Variants in ANK2 observed in about 807,000 individuals in gnomAD.
ANK2 encodes ankyrin 2.
A neutral mutation model predicts 360.5 loss-of-function variants in ANK2; 83 were observed. The observed-to-expected ratio is 0.23, with a 90% CI of 0.19 to 0.28. The LOEUF (loss-of-function observed/expected upper bound fraction) is 0.28, where lower values mean the gene tolerates loss of function less well. Among genes scored for constraint, ANK2 ranks in the 10% least tolerant of loss-of-function variants. The probability of loss-of-function intolerance (pLI) is 1.00; values close to 1 mark genes in which losing one functional copy is unlikely to be tolerated. For synonymous variants in ANK2, 1,740 were observed against 1,759.5 expected, an observed-to-expected ratio of 0.99 and a Z score of 0.28; for missense variants, 4,201 against 4,795.7, an observed-to-expected ratio of 0.88 and a Z score of 3.66.
chr4:113,087,928 A>C (rs1030933821), intron 1 of ANK2, among the ~76,000 whole-genome samples: 1 of 152,160 alleles, frequency 6.6e-6, no homozygotes, highest in African/African-American at 2.4e-5. Context: ...ATTATAAATA[A>C]ATTCTAGATT....
intron 29 of ANK2, among the ~76,000 whole-genome samples, chr4:113,333,649 T>C (rs1334202624): frequency 2.0e-5 from 3 of 152,226 alleles, no homozygotes; most frequent in Non-Finnish European, 2.9e-5. Context: ...GTTAAGCTAC[T>C]GTGTTGGAAA....
At chr4:113,365,800 G>T (rs1188191361) in intron 41 of ANK2, among the ~76,000 whole-genome samples, 3 of 151,666 alleles carry the variant, frequency 2.0e-5, no homozygotes, top group Non-Finnish European at 4.4e-5. Flanking sequence ...AAAATAATAA[G>T]AATAATCAGA....
chr4:112,765,737 T>TCC, the ANK2 span, among the ~76,000 whole-genome samples: 1 of 145,234 alleles, frequency 6.9e-6, no homozygotes, highest in Non-Finnish European at 1.5e-5. Context: ...AATTCCTAAC[T>TCC]CTGTGTTGTC....
chr4:113,214,281 T>A, intron 4 of ANK2: 1 of 1,079,684 alleles, frequency 9.3e-7, no homozygotes, highest in Non-Finnish European at 1.4e-6. Context: ...AATGACGAAT[T>A]TCTTAATGGC....
At chr4:112,889,807 G>C (rs905787761) in intron 1 of ANK2, among the ~76,000 whole-genome samples, 1 of 152,124 alleles carries the variant, frequency 6.6e-6, no homozygotes, top group African/African-American at 2.4e-5. Context: ...TATGTAATTG[G>C]CATGAATTAT....
At chr4:113,368,042 A>C (rs2096598832) in intron 42 of ANK2, among the ~76,000 whole-genome samples, 191 bp downstream of exon 42, 1 of 152,234 alleles carries the variant, frequency 6.6e-6, no homozygotes, top group Admixed American at 6.5e-5. Context: ...TGTTTGGGGC[A>C]CAGACCTACA....
At chr4:113,363,616 T>C in intron 40 of ANK2, 147 bp downstream of exon 40, 1 of 868,684 alleles carries the variant, frequency 1.2e-6, no homozygotes, top group Non-Finnish European at 1.9e-6. Flanking sequence ...TTTTGTTCAG[T>C]GTCATTTCCT....
the ANK2 span, chr4:112,797,147 T>C: frequency 5.3e-6 from 1 of 187,662 alleles, no homozygotes; most frequent in Non-Finnish European, 1.2e-5. Flanking sequence ...GCAATTTTTT[T>C]CTCCTACTTT....
chr4:112,944,466 T>G (rs568424684), intron 2 of ANK2, among the ~76,000 whole-genome samples: 10 of 152,334 alleles, frequency 6.6e-5, no homozygotes, highest in Admixed American at 6.5e-4. Context: ...AAGTTACTAT[T>G]AATAATGAAT....
At chr4:112,846,585 G>C (rs2063359430) in intron 1 of ANK2, among the ~76,000 whole-genome samples, 1 of 151,670 alleles carries the variant, frequency 6.6e-6, no homozygotes, top group Non-Finnish European at 1.5e-5. Flanking sequence ...CCTCTCTCTT[G>C]ATCTCTTCCT....
rs565612263 is a variant in ANK2 at position 113,236,673 on chromosome 4, T to C, written c.484-314T>C. On this transcript the variant is annotated intron_variant, in intron 5 of 45. Coordinates refer to ENST00000357077, the MANE Select transcript of ANK2 (RefSeq NM_001148.6). The stretch of plus-strand genomic sequence containing the variant: ...CTTTTCTGCTTTACCTACAGAGGCA[T>C]TATTTAGGATTGGTTCTCACTTTTA... Among the ~76,000 whole-genome samples the C allele has an allele frequency of 9.2e-5, 14 of 152,344 alleles. No homozygotes were observed. The South Asian group carries it at 1.2e-3, about 14-fold the overall frequency.
chr4:113,178,294 G>T (rs112527853), intron 2 of ANK2, among the ~76,000 whole-genome samples: 161 of 152,148 alleles, frequency 1.1e-3, no homozygotes, highest in African/African-American at 3.8e-3. Flanking sequence ...CAGGCCAGGC[G>T]CAGTGGCTCA....
chr4:113,186,385 C>T (rs1426102495), intron 2 of ANK2, among the ~76,000 whole-genome samples: 1 of 152,108 alleles, frequency 6.6e-6, no homozygotes, highest in East Asian at 1.9e-4. Context: ...CACACAAAAA[C>T]CCCATTTGAA....
chr4:113,345,785 A>C, intron 34 of ANK2, 115 bp from the exon 35 acceptor site: 1 of 1,366,532 alleles, frequency 7.3e-7, no homozygotes, highest in Non-Finnish European at 1.0e-6. Context: ...AAATCCTTTG[A>C]GTTCTTACCT....
intron 2 of ANK2, among the ~76,000 whole-genome samples, chr4:113,191,834 GGA>G (rs987591581): frequency 6.6e-6 from 1 of 152,122 alleles, no homozygotes; most frequent in African/African-American, 2.4e-5. Flanking sequence ...GTTTAGGACT[GGA>G]GAGACAGCAC....
intron 2 of ANK2, among the ~76,000 whole-genome samples, chr4:113,188,166 T>C (rs573154467): frequency 6.6e-6 from 1 of 152,314 alleles, no homozygotes; most frequent in Admixed American, 6.5e-5. Flanking sequence ...AAAGTTAGGC[T>C]AGCCACAAAT....
the ANK2 span, among the ~76,000 whole-genome samples, chr4:112,728,914 A>G: frequency 6.6e-6 from 1 of 152,132 alleles, no homozygotes; most frequent in Non-Finnish European, 1.5e-5. Flanking sequence ...TGGTGGCTCA[A>G]GCCTGTAATC....
At chr4:112,988,448 T>A (rs1449099521) in intron 2 of ANK2, among the ~76,000 whole-genome samples, 1 of 152,138 alleles carries the variant, frequency 6.6e-6, no homozygotes. Flanking sequence ...GGTTCTGAGA[T>A]GTGAAAGAAA....
intron 1 of ANK2, among the ~76,000 whole-genome samples, chr4:113,068,382 A>G (rs1337104334): frequency 6.6e-6 from 1 of 152,198 alleles, no homozygotes; most frequent in East Asian, 1.9e-4. Flanking sequence ...CTTTAAGCGT[A>G]TGTTACCCTT....
Sources: allele counts gnomAD v4.1 joint callset (sites outside exome capture counted in the v4.1 genomes callset), GRCh38; gene constraint gnomAD v4.1.1; transcripts MANE v1.5; gene names NCBI Gene and HGNC (gene_info 2026-07-23, HGNC 2026-07-21).